ITGB3BP: variants seen among roughly 807,000 people sequenced by gnomAD.
ITGB3BP encodes centromere protein R.
In ITGB3BP, 27 loss-of-function variants were observed where a neutral mutation model predicts 29.1. The ratio of observed to expected loss-of-function variants is 0.93; its 90% CI spans 0.68 to 1.28. ITGB3BP has a LOEUF of 1.28. ITGB3BP is among the 50% of genes most tolerant of loss of function. The probability of loss-of-function intolerance (pLI) is 0.00; values close to 1 mark genes in which losing one functional copy is unlikely to be tolerated. For synonymous variants in ITGB3BP, 61 were observed against 61.4 expected (o/e 0.99, Z 0.03); for missense variants, 192 against 200.2 (o/e 0.96, Z 0.25).
intron 1 of ITGB3BP, among the ~76,000 whole-genome samples, chr1:63,509,454 A>C (rs1464346886): frequency 6.6e-6 from 1 of 152,236 alleles, no homozygotes; most frequent in Non-Finnish European, 1.5e-5. Flanking sequence ...GAATTAGAGC[A>C]TAAAGCAAAA....
chr1:63,508,810 T>C lies in ITGB3BP; in HGVS notation c.6-240A>G, dbSNP rs116720711. Among the ~76,000 whole-genome samples the C allele has an allele frequency of 4.4e-3, 672 of 152,224 alleles. 5 individuals are homozygous for C. Among genetic ancestry groups the C allele is most frequent in the African/African-American group, 0.015 (619 of 41,556 alleles). ...TTTAAATGAGTTTCTTTAAAAAATA[T>C]ATGCAGTTATATATACAAGGACTAC... On this transcript the variant is annotated intron_variant, in intron 1 of 8. Coordinates refer to ENST00000271002, the MANE Select transcript of ITGB3BP (RefSeq NM_014288.5).
At chr1:63,512,551 G>C (rs917776467) in intron 1 of ITGB3BP, among the ~76,000 whole-genome samples, 5 of 152,102 alleles carry the variant, frequency 3.3e-5, no homozygotes, top group African/African-American at 1.2e-4. Flanking sequence ...CTGAGGGGAA[G>C]AATGGGGGGT....
At chr1:63,495,865 A>G (rs1029836802) in intron 2 of ITGB3BP, among the ~76,000 whole-genome samples, 3 of 152,154 alleles carry the variant, frequency 2.0e-5, no homozygotes, top group African/African-American at 4.8e-5. Flanking sequence ...TCAGCATGAA[A>G]CCAGATTCAT....
At chr1:63,485,301 C>G (rs1480789310) in intron 3 of ITGB3BP, among the ~76,000 whole-genome samples, 3 of 152,050 alleles carry the variant, frequency 2.0e-5, no homozygotes, top group Non-Finnish European at 4.4e-5. Context: ...ATGAAGAAGT[C>G]AACTGATAGA....
At chr1:63,453,869 A>G in intron 7 of ITGB3BP, 49 bp downstream of exon 7, 1 of 1,124,814 alleles carries the variant, frequency 8.9e-7, no homozygotes, top group Non-Finnish European at 1.3e-6. Context: ...TAATTGGCAA[A>G]ATGGGATGAA....
At chr1:63,503,908 T>TGCCCTGGCCAGA (rs1646004147) in intron 2 of ITGB3BP, among the ~76,000 whole-genome samples, 4 of 152,186 alleles carry the variant, frequency 2.6e-5, no homozygotes, top group African/African-American at 9.7e-5. Context: ...CTGTTTTGGT[T>TGCCCTGGCCAGA]ACTGTAGCCT....
intron 4 of ITGB3BP, among the ~76,000 whole-genome samples, chr1:63,464,725 T>A (rs1469937484): frequency 6.6e-6 from 1 of 152,182 alleles, no homozygotes; most frequent in Non-Finnish European, 1.5e-5. Context: ...CTGGTGAACA[T>A]CACTGTAATC....
intron 2 of ITGB3BP, among the ~76,000 whole-genome samples, chr1:63,528,675 C>T (rs1443825016): frequency 6.6e-6 from 1 of 151,644 alleles, no homozygotes; most frequent in Non-Finnish European, 1.5e-5. Flanking sequence ...ATATTATACA[C>T]CTACTATGTA....
intron 3 of ITGB3BP, 108 bp from the exon 4 acceptor site, chr1:63,478,941 G>T: frequency 2.3e-6 from 1 of 430,000 alleles, no homozygotes. Context: ...AAGGACAAAT[G>T]GAAGGGAGGT....
upstream of ITGB3BP, among the ~76,000 whole-genome samples, chr1:63,526,954 G>A (rs545193913): frequency 4.7e-4 from 72 of 152,210 alleles, 1 homozygote; most frequent in African/African-American, 1.6e-3. Flanking sequence ...TAGTAGAGAC[G>A]GGGTTTTGCC....
At chr1:63,445,142 C>T (rs112243550) in intron 8 of ITGB3BP, among the ~76,000 whole-genome samples, 3,249 of 151,882 alleles carry the variant, frequency 0.021, 123 homozygotes, top group African/African-American at 0.074. Context: ...AACAATCAGC[C>T]GGGCATGGTG....
intron 2 of ITGB3BP, among the ~76,000 whole-genome samples, chr1:63,493,106 A>G (rs1361238669): frequency 2.3e-5 from 3 of 131,604 alleles, no homozygotes; most frequent in African/African-American, 8.0e-5. Flanking sequence ...GCGCGCAAGA[A>G]AATAGATGTC....
intron 1 of ITGB3BP, among the ~76,000 whole-genome samples, chr1:63,514,929 A>G (rs1036176216): frequency 1.5e-5 from 2 of 136,590 alleles, no homozygotes; most frequent in African/African-American, 2.8e-5. Flanking sequence ...CTGGTGACAG[A>G]GCGAGACTCT....
At chr1:63,485,077 A>G (rs1053842313) in intron 3 of ITGB3BP, among the ~76,000 whole-genome samples, 14 of 151,812 alleles carry the variant, frequency 9.2e-5, no homozygotes, top group Non-Finnish European at 1.9e-4. Flanking sequence ...TTCTTTTTCT[A>G]TTCCTTCAGA....
intron 2 of ITGB3BP, among the ~76,000 whole-genome samples, chr1:63,503,087 C>T (rs1284091872): frequency 6.6e-5 from 10 of 152,134 alleles, no homozygotes; most frequent in Admixed American, 4.6e-4. Flanking sequence ...GAGGAATCGC[C>T]ACACTGACTT....
chr1:63,495,884 C>A (rs1645774640), intron 2 of ITGB3BP, among the ~76,000 whole-genome samples: 1 of 152,072 alleles, frequency 6.6e-6, no homozygotes, highest in Admixed American at 6.6e-5. Context: ...ATGGACCCAA[C>A]CAAGAAGCCA....
At chr1:63,446,936 T>C (rs538209822) in intron 7 of ITGB3BP, 80 bp from the exon 8 acceptor site, 2 of 1,025,398 alleles carry the variant, frequency 2.0e-6, no homozygotes, top group African/African-American at 1.6e-5. Flanking sequence ...AGAATAAATG[T>C]TGAAGCAAAA....
At chr1:63,493,096 G>A (rs1027833400) in intron 2 of ITGB3BP, among the ~76,000 whole-genome samples, 1 of 108,038 alleles carries the variant, frequency 9.3e-6, no homozygotes, top group African/African-American at 3.2e-5. Flanking sequence ...ACACGCGCGC[G>A]CGCGCAAGAA....
rs1645584413 is a variant in ITGB3BP at position 63,488,835 on chromosome 1, T to A, written c.184+1248A>T. Among the ~76,000 whole-genome samples, 5 of 152,088 alleles carry A rather than the reference T, an allele frequency of 3.3e-5. No homozygotes were observed. The South Asian group carries it at 1.0e-3, about 31-fold the overall frequency. The stretch of plus-strand genomic sequence containing the variant: ...ACCTCTGAAACCCTTGCTATCTGAC[T>A]TTTTAAAAAAGAGCTTACTTAGGAC... On this transcript the variant is annotated intron_variant, in intron 3 of 8. Transcript: ENST00000271002.
Sources: gnomAD v4.1 joint callset for allele counts (sites outside exome capture counted in the v4.1 genomes callset) on GRCh38, gnomAD v4.1.1 for gene constraint, MANE v1.5 for transcripts, NCBI Gene and HGNC (gene_info 2026-07-23, HGNC 2026-07-21) for gene names.